DNM3: variants seen among roughly 807,000 people sequenced by gnomAD.
DNM3 encodes the protein dynamin-3.
DNM3 carries 47 observed loss-of-function variants against 101.6 expected under a neutral mutation model. The observed-to-expected ratio is 0.46, with a 90% CI of 0.37 to 0.59. The LOEUF is 0.59. Ranked by LOEUF, DNM3 falls within the 20% of genes least tolerant of loss-of-function variation. The pLI, the probability that DNM3 is intolerant of heterozygous loss-of-function variation, is 0.00. For synonymous variants in DNM3, 385 were observed against 387.9 expected (o/e 0.99, Z 0.09); for missense variants, 849 against 1,085.7 (o/e 0.78, Z 3.06).
Position 172,075,373 on chromosome 1 carries a change from A to T in DNM3, c.1423-6459A>T, listed in dbSNP as rs1046054564. 2.6e-5 allele frequency among the ~76,000 whole-genome samples: 4 copies of T among 152,202 alleles called. No individual in the cohort carries two copies. In the East Asian group the frequency reaches 5.8e-4, roughly 22 times the overall value. ...TGCCATTGCTTTTGGTGTTTTAGTC[A>T]TGAAGTCTTTCTCCATGCCTATGTC... On this transcript the variant is annotated intron_variant, in intron 11 of 20. Transcript: ENST00000627582.
At chr1:172,303,559 C>A (rs974539810) in intron 15 of DNM3, among the ~76,000 whole-genome samples, 1 of 152,044 alleles carries the variant, frequency 6.6e-6, no homozygotes, top group African/African-American at 2.4e-5. Flanking sequence ...AGAAGAGCAA[C>A]CCCAAGACAC....
At chr1:172,375,522 G>GA (rs916109863) in intron 17 of DNM3, among the ~76,000 whole-genome samples, 1 of 151,962 alleles carries the variant, frequency 6.6e-6, no homozygotes, top group African/African-American at 2.4e-5. Flanking sequence ...TTTTCATCGT[G>GA]ATGACCTGAT....
chr1:171,941,614 G>T (rs1178503652), intron 2 of DNM3, among the ~76,000 whole-genome samples: 2 of 152,148 alleles, frequency 1.3e-5, no homozygotes, highest in Non-Finnish European at 1.5e-5. Context: ...GCTATTGACT[G>T]GTATATTTGT....
intron 17 of DNM3, among the ~76,000 whole-genome samples, chr1:172,344,666 T>G (rs1040717064): frequency 5.3e-5 from 8 of 152,214 alleles, no homozygotes; most frequent in African/African-American, 1.9e-4. Context: ...GCCGAACTGA[T>G]GGCGCCAGCG....
intron 4 of DNM3, among the ~76,000 whole-genome samples, chr1:171,991,447 T>G (rs189522593): frequency 6.6e-6 from 1 of 152,274 alleles, no homozygotes; most frequent in Non-Finnish European, 1.5e-5. Flanking sequence ...AAACAGTTCT[T>G]TGTTATAAAG....
intron 1 of DNM3, among the ~76,000 whole-genome samples, chr1:171,869,136 T>C (rs1235980466): frequency 6.6e-6 from 1 of 152,258 alleles, no homozygotes; most frequent in African/African-American, 2.4e-5. Context: ...CATGTGCTTT[T>C]TTAAGGCTGT....
At chr1:172,086,488 T>C (rs1200854463) in intron 12 of DNM3, among the ~76,000 whole-genome samples, 2 of 152,246 alleles carry the variant, frequency 1.3e-5, no homozygotes, top group East Asian at 1.9e-4. Context: ...TAATCTGTGC[T>C]GTTCAATACA....
chr1:172,308,861 T>C, intron 16 of DNM3, 22 bp downstream of exon 16: 3 of 1,418,400 alleles, frequency 2.1e-6, no homozygotes, highest in East Asian at 2.3e-5. Flanking sequence ...ATATCTCTTA[T>C]GTAAAAATTA....
chr1:172,299,275 G>C (rs1356454534), intron 15 of DNM3, among the ~76,000 whole-genome samples: 1 of 152,190 alleles, frequency 6.6e-6, no homozygotes. Flanking sequence ...AGACCCTGGG[G>C]GCTTTGTGGG....
intron 1 of DNM3, among the ~76,000 whole-genome samples, chr1:171,893,076 A>ATGT: frequency 6.7e-6 from 1 of 149,626 alleles, no homozygotes; most frequent in Admixed American, 6.6e-5. Flanking sequence ...TGCAGACTCC[A>ATGT]CTCATTTCCA....
intron 13 of DNM3, among the ~76,000 whole-genome samples, chr1:172,101,638 T>C (rs2054646665): frequency 6.6e-6 from 1 of 152,194 alleles, no homozygotes; most frequent in Non-Finnish European, 1.5e-5. Context: ...ATCTCAGTTT[T>C]ACAGATGGGA....
At chr1:171,906,843 AG>A (rs2038876892) in intron 1 of DNM3, among the ~76,000 whole-genome samples, 1 of 152,240 alleles carries the variant, frequency 6.6e-6, no homozygotes, top group African/African-American at 2.4e-5. Context: ...TTTTCAAGTA[AG>A]TGATACTATT....
Position 172,296,558 on chromosome 1 carries a change from G to A in DNM3, c.1770-12170G>A, listed in dbSNP as rs187409409. On this transcript the variant is annotated intron_variant, in intron 15 of 20. Coordinates refer to ENST00000627582, the MANE Select transcript of DNM3 (RefSeq NM_015569.5). ...CTGAGGCTCCCAGAAAGAGACTTCT[G>A]ACTATACAGGGATGTGGAATTCTTG... Among the ~76,000 whole-genome samples the A allele has an allele frequency of 6.3e-3, 957 of 152,302 alleles. 5 individuals are homozygous for A. The highest frequency in any genetic ancestry group is 9.5e-3 in the Non-Finnish European group (649 of 68,024).
intron 17 of DNM3, chr1:172,378,035 G>C (rs191230047): frequency 6.6e-6 from 1 of 151,974 alleles, no homozygotes; most frequent in Non-Finnish European, 1.5e-5. Flanking sequence ...AAAGCACTTC[G>C]TGTCTACATG....
chr1:171,863,469 G>A (rs999488111), intron 1 of DNM3, among the ~76,000 whole-genome samples: 1 of 152,154 alleles, frequency 6.6e-6, no homozygotes, highest in Non-Finnish European at 1.5e-5. Context: ...GGGAATGTGA[G>A]CTTAGTAGAG....
At chr1:172,134,421 T>G (rs2057110481) in intron 14 of DNM3, among the ~76,000 whole-genome samples, 1 of 152,142 alleles carries the variant, frequency 6.6e-6, no homozygotes, top group Non-Finnish European at 1.5e-5. Flanking sequence ...TAATAGTTAT[T>G]GAGTATTTAT....
At chr1:172,058,394 T>G (rs1400912666) in intron 10 of DNM3, among the ~76,000 whole-genome samples, 1 of 150,474 alleles carries the variant, frequency 6.6e-6, no homozygotes, top group Admixed American at 6.6e-5. Context: ...GAATATACAT[T>G]TTTTTCAGCA....
chr1:171,854,275 C>T (rs1412591552), intron 1 of DNM3, among the ~76,000 whole-genome samples: 1 of 152,134 alleles, frequency 6.6e-6, no homozygotes, highest in Non-Finnish European at 1.5e-5. Context: ...CTGCCTGTGC[C>T]TCAGCTTCCT....
At chr1:172,015,933 T>C (rs1169723961) in intron 4 of DNM3, among the ~76,000 whole-genome samples, 1 of 151,584 alleles carries the variant, frequency 6.6e-6, no homozygotes, top group Non-Finnish European at 1.5e-5. Context: ...CCCAGCACTT[T>C]GGGAGGCCAA....
Sources: allele counts gnomAD v4.1 joint callset (sites outside exome capture counted in the v4.1 genomes callset), GRCh38; gene constraint gnomAD v4.1.1; transcripts MANE v1.5; gene names NCBI Gene and HGNC (gene_info 2026-07-23, HGNC 2026-07-21).